Variants in LRRFIP1 observed in about 807,000 individuals in gnomAD.
The protein encoded by LRRFIP1 is LRR binding FLII interacting protein 1.
LRRFIP1 carries 62 observed loss-of-function variants against 104.4 expected under a neutral mutation model. The observed-to-expected ratio is 0.59, with a 90% CI of 0.48 to 0.73. The LOEUF is 0.73. Ranked by LOEUF, LRRFIP1 falls within the 30% of genes least tolerant of loss-of-function variation. The pLI, the probability that LRRFIP1 is intolerant of heterozygous loss-of-function variation, is 0.00. For synonymous variants in LRRFIP1, 300 were observed against 299.0 expected (o/e 1.00, Z -0.03); for missense variants, 796 against 824.5 (o/e 0.97, Z 0.42).
chr2:237,725,189 G>C (rs562658689), intron 7 of LRRFIP1, among the ~76,000 whole-genome samples: 1 of 152,268 alleles, frequency 6.6e-6, no homozygotes, highest in South Asian at 2.1e-4. Context: ...TGGAGAGCTT[G>C]TTAGAGTGCC....
intron 13 of LRRFIP1, 21 bp downstream of exon 13, chr2:237,749,345 T>C (rs772923590): frequency 6.2e-7 from 1 of 1,611,850 alleles, no homozygotes; most frequent in Non-Finnish European, 8.5e-7. Context: ...CTCTTCTTAC[T>C]GACAACTTGA....
chr2:237,676,041 C>T (rs1242373115), intron 1 of LRRFIP1, among the ~76,000 whole-genome samples: 1 of 152,148 alleles, frequency 6.6e-6, no homozygotes. Context: ...TTTAAGTGCG[C>T]TAGTGTGTAG....
intron 13 of LRRFIP1, among the ~76,000 whole-genome samples, chr2:237,749,666 C>T (rs989822048): frequency 6.6e-6 from 1 of 152,200 alleles, no homozygotes; most frequent in Non-Finnish European, 1.5e-5. Context: ...GACATTCAGT[C>T]CACAAGTTTG....
In LRRFIP1 at chr2:237,779,414, G is replaced by A. The variant is rs754460210; in HGVS notation, c.1813-8G>A. 1.4e-5 allele frequency: 22 copies of A among 1,612,182 alleles called. No individual in the cohort carries two copies. The highest frequency in any genetic ancestry group is 4.5e-5 in the East Asian group (2 of 44,840). ...CCTTAAAGCTCACTGCCTTTCCTCC[G>A]TTCCCAGCTCCGCTCTGCATTGGAT... On this transcript the variant is annotated splice_polypyrimidine_tract_variant and splice_region_variant and intron_variant, in intron 23 of 23. Transcript: ENST00000308482.
chr2:237,763,260 C>T (rs1559829271), intron 19 of LRRFIP1: 3 of 1,614,080 alleles, frequency 1.9e-6, no homozygotes, highest in Non-Finnish European at 2.5e-6. Context: ...CCAATCAAGA[C>T]AGAAGTTCCT....
chr2:237,639,518 G>A (rs886721867), intron 1 of LRRFIP1, among the ~76,000 whole-genome samples: 9 of 152,300 alleles, frequency 5.9e-5, no homozygotes, highest in Middle Eastern at 6.8e-3. Context: ...TAGCCTTGGT[G>A]CCCAGGTCTT....
intron 1 of LRRFIP1, among the ~76,000 whole-genome samples, chr2:237,659,553 C>CA (rs892717320): frequency 1.1e-4 from 16 of 147,624 alleles, no homozygotes; most frequent in African/African-American, 2.7e-4. Context: ...CAATTTTTAC[C>CA]AAAAAAACTA....
chr2:237,669,338 T>C (rs567082212), intron 1 of LRRFIP1, among the ~76,000 whole-genome samples: 4 of 152,346 alleles, frequency 2.6e-5, no homozygotes, highest in East Asian at 3.9e-4. Flanking sequence ...TCTGAGAGTG[T>C]CTTGTTCATC....
At position 237,772,151 on chromosome 2, in the gene LRRFIP1, A is replaced by T. The variant is rs2060698777; in HGVS notation, c.1580A>T (p.Asp527Val). 6.2e-7 allele frequency: 1 copy of T among 1,614,032 alleles called. No homozygotes were observed. Among genetic ancestry groups the T allele is most frequent in the Non-Finnish European group, 8.5e-7 (1 of 1,179,884 alleles). The change falls in exon 21 of 24, where the codon GAT (aspartate) becomes GTT (valine). Residue 527 changes from aspartate to valine, a missense_variant. Asp to Val is a radical substitution (Grantham distance 152). Transcript: ENST00000308482. ...AAACTAGACAATCTTCGATCTGAAGATGATGTCTTGGAAAACGGGACAGAC... is the reference window on the plus strand; with the variant it reads ...AAACTAGACAATCTTCGATCTGAAGTTGATGTCTTGGAAAACGGGACAGAC... Reference protein sequence around the residue: ...IGKLDNLRSEDDVLENGTDMH... With the variant: ...IGKLDNLRSEVDVLENGTDMH...
intron 23 of LRRFIP1, 29 bp downstream of exon 23, chr2:237,774,491 A>G (rs1282364534): frequency 2.1e-6 from 3 of 1,419,920 alleles, no homozygotes; most frequent in Non-Finnish European, 3.0e-6. Flanking sequence ...TTCTAGGAAG[A>G]GAATGGCTGC....
chr2:237,646,692 G>A (rs1273195722), intron 1 of LRRFIP1, among the ~76,000 whole-genome samples: 3 of 151,898 alleles, frequency 2.0e-5, no homozygotes, highest in African/African-American at 7.2e-5. Context: ...AGACACCAGA[G>A]AGCTCACTCT....
In LRRFIP1 at chr2:237,665,040, C is replaced by T. The variant is rs553286287; in HGVS notation, c.96+37300C>T. ...GCTGACTCTGAAGAATTTGTAAGTT[C>T]TTCACATCACTTTAAGAATACTTAT... On this transcript the variant is annotated intron_variant, in intron 1 of 23. Coordinates refer to ENST00000308482, the MANE Select transcript of LRRFIP1 (RefSeq NM_001137550.2). Among the ~76,000 whole-genome samples, 90 of 152,312 alleles carry T rather than the reference C, an allele frequency of 5.9e-4. 1 individual carries two copies. The highest frequency in any genetic ancestry group is 2.1e-3 in the African/African-American group (87 of 41,574).
Position 237,708,615 on chromosome 2 carries a change from G to A in LRRFIP1, c.168G>A (p.Glu56=). The A allele has an allele frequency of 6.2e-7, 1 of 1,600,012 alleles. No individual in the cohort carries two copies. The highest frequency in any genetic ancestry group is 1.3e-5 in the African/African-American group (1 of 74,950). ...GCGAGATCCGCATGAAGGAGCTGGA[G>A]CGGCAGCAGAAGGAGGTAACGCTTG... ...EAREIRMKEL[E]RQQKEIYQVQ... The change falls in exon 2 of 24, where the codon GAG becomes GAA. Residue 56 remains glutamate (E), a synonymous_variant. Coordinates refer to ENST00000308482, the MANE Select transcript of LRRFIP1 (RefSeq NM_001137550.2).
intron 19 of LRRFIP1, chr2:237,765,601 T>C (rs1477194575): frequency 1.0e-6 from 1 of 974,996 alleles, no homozygotes; most frequent in Non-Finnish European, 1.2e-6. Flanking sequence ...TTTGGTATTT[T>C]GGTATAAATA....
chr2:237,637,639 T>G (rs1559443196), intron 1 of LRRFIP1, among the ~76,000 whole-genome samples: 1 of 152,302 alleles, frequency 6.6e-6, no homozygotes, highest in East Asian at 1.9e-4. Flanking sequence ...GATCAGCAAG[T>G]CTCTGAGAGC....
chr2:237,707,781 G>A lies in LRRFIP1; in HGVS notation c.97-763G>A, dbSNP rs141435987. Among the ~76,000 whole-genome samples the A allele has an allele frequency of 4.8e-4, 73 of 152,348 alleles. 1 individual carries two copies. The highest frequency in any genetic ancestry group is 1.6e-3 in the African/African-American group (66 of 41,570). ...GCTCAAGCATTTGAAACGTTCTCAC[G>A]GAGCAGAATGTGGCAGAACAGCTAC... On this transcript the variant is annotated intron_variant, in intron 1 of 23. Coordinates refer to ENST00000308482, the MANE Select transcript of LRRFIP1 (RefSeq NM_001137550.2).
In LRRFIP1 at chr2:237,687,603, C is replaced by CA. The variant is rs58549867; in HGVS notation, c.97-20920dup. On this transcript the variant is annotated intron_variant, in intron 1 of 23. Transcript: ENST00000308482. ...TGGGTAACAGAGCGAGACTCCATCT[C>CA]AAAAAAAAAAAAAAAAAAAAAGAGG... is the stretch of plus-strand genomic sequence containing the variant. 3.6e-3 allele frequency among the ~76,000 whole-genome samples: 292 copies of CA among 80,952 alleles called. 5 individuals carry two copies. The highest frequency in any genetic ancestry group is 5.2e-3 in the African/African-American group (110 of 21,296). The allele number at this position is 80,952 out of a possible 152,430, so 53.1% of individuals were successfully genotyped here.
intron 1 of LRRFIP1, among the ~76,000 whole-genome samples, chr2:237,672,877 G>T (rs961278762): frequency 6.6e-6 from 1 of 152,140 alleles, no homozygotes; most frequent in Admixed American, 6.6e-5. Flanking sequence ...TGTGTTTCCA[G>T]GTATTGCTAT....
intron 14 of LRRFIP1, among the ~76,000 whole-genome samples, chr2:237,752,327 A>G (rs1576259292): frequency 6.6e-6 from 1 of 152,122 alleles, no homozygotes; most frequent in Non-Finnish European, 1.5e-5. Flanking sequence ...AATCACTTGA[A>G]CCTGGCAGGT....
Sources: gnomAD v4.1 joint callset for allele counts (sites outside exome capture counted in the v4.1 genomes callset) on GRCh38, gnomAD v4.1.1 for gene constraint, MANE v1.5 for transcripts, NCBI Gene and HGNC (gene_info 2026-07-23, HGNC 2026-07-21) for gene names.